The following ENG variants were observed in gnomAD, a reference collection of about 807,000 sequenced individuals.
The protein encoded by ENG is endoglin.
ENG carries 17 observed loss-of-function variants against 71.0 expected under a neutral mutation model. The observed-to-expected ratio is 0.24, with a 90% CI of 0.16 to 0.36. The LOEUF (loss-of-function observed/expected upper bound fraction) is 0.36, where lower values mean the gene tolerates loss of function less well. Ranked by LOEUF, ENG falls within the 10% of genes least tolerant of loss-of-function variation. The pLI is 1.00. For missense variants in ENG, 749 were observed against 868.3 expected, an observed-to-expected ratio of 0.86 and a Z score of 1.73; for synonymous variants, 360 against 366.9, an observed-to-expected ratio of 0.98 and a Z score of 0.21.
intron 1 of ENG, 134 bp from the exon 2 acceptor site, chr9:127,843,379 G>A (rs1018275758): frequency 7.6e-6 from 9 of 1,180,910 alleles, no homozygotes; most frequent in African/African-American, 1.5e-5. Context: ...CTTATGAGGT[G>A]GATATCATTA....
chr9:127,815,371 A>C lies in ENG; in HGVS notation c.*311T>G. 2 of 383,126 alleles carry C rather than the reference A, an allele frequency of 5.2e-6. No homozygotes were observed. The highest frequency in any genetic ancestry group is 4.8e-6 in the Non-Finnish European group (1 of 210,372). 23.7% of individuals were successfully genotyped at this position (383,126 alleles called of 1,614,324 possible). A position where few individuals can be genotyped will look rare whatever the true frequency, so the allele number is the denominator to read the frequency against. On this transcript the variant is annotated 3_prime_UTR_variant, in exon 15 of 15. Transcript: ENST00000373203. Reference sequence around the variant, plus strand: ...CCCTTCCTGCCCAGCTCAGTTCACCAGTGCTGGATCCAGGTTCAAATGACA... The same window carrying C: ...CCCTTCCTGCCCAGCTCAGTTCACCCGTGCTGGATCCAGGTTCAAATGACA...
intron 10 of ENG, 188 bp downstream of exon 10, chr9:127,819,434 T>C: frequency 1.4e-6 from 1 of 732,902 alleles, no homozygotes; most frequent in Non-Finnish European, 2.3e-6. Context: ...GCCCTCTGAC[T>C]TGAGAGACCA....
intron 8 of ENG, 95 bp from the exon 9 acceptor site, chr9:127,820,132 C>T (rs1386741861): frequency 6.7e-7 from 1 of 1,496,170 alleles, no homozygotes; most frequent in Non-Finnish European, 9.0e-7. Context: ...CCAGGGGTCC[C>T]AAGTCACAGC....
intron 2 of ENG, among the ~76,000 whole-genome samples, chr9:127,832,069 CTTTTTTTTT>C (rs1041729379): frequency 1.9e-4 from 16 of 83,640 alleles, no homozygotes; most frequent in Non-Finnish European, 2.7e-4. Context: ...AGCTACCATT[CTTTTTTTTT>C]TTTTTTTTTT....
Position 127,815,658 on chromosome 9 carries a change from C to CT in ENG, c.*23dup. The CT allele has an allele frequency of 2.6e-6, 4 of 1,547,856 alleles. No individual in the cohort carries two copies. The highest frequency in any genetic ancestry group is 3.5e-6 in the Non-Finnish European group (4 of 1,153,756). ...GCTGGCGGCTGCTCAGTCTCTCCTG[C>CT]TGGGCGAGCGCGGGGGGCCGGGGCT... On this transcript the variant is annotated 3_prime_UTR_variant, in exon 15 of 15. Coordinates refer to ENST00000373203, the MANE Select transcript of ENG (RefSeq NM_001114753.3).
chr9:127,818,449 A>G (rs1176559509), intron 11 of ENG, 72 bp from the exon 12 acceptor site: 3 of 1,590,944 alleles, frequency 1.9e-6, no homozygotes, highest in Non-Finnish European at 2.6e-6. Context: ...GCCTTCAAAT[A>G]TCGGCTAGAA....
chr9:127,831,230 G>A (rs1370689916), intron 2 of ENG, among the ~76,000 whole-genome samples: 2 of 149,414 alleles, frequency 1.3e-5, no homozygotes, highest in Non-Finnish European at 3.0e-5. Context: ...ATGTGATCTC[G>A]GCTCACTGCA....
At chr9:127,848,316 G>T (rs1396547122) in intron 1 of ENG, among the ~76,000 whole-genome samples, 1 of 151,724 alleles carries the variant, frequency 6.6e-6, no homozygotes, top group African/African-American at 2.4e-5. Flanking sequence ...GAGAGTCGGG[G>T]TCTTGCTCTG....
Position 127,839,081 on chromosome 9 carries a change from G to A in ENG, c.219+4013C>T, listed in dbSNP as rs1830969479. On this transcript the variant is annotated intron_variant, in intron 2 of 14. Coordinates refer to ENST00000373203, the MANE Select transcript of ENG (RefSeq NM_001114753.3). ...CTTTGCTGTGCACTGGCTTCTGCCT[G>A]GAATGCCCTCTACCCTGCTCTTGGG... 2.6e-5 allele frequency among the ~76,000 whole-genome samples: 4 copies of A among 152,250 alleles called. 1 individual carries two copies. In the South Asian group the frequency reaches 8.3e-4, roughly 32 times the overall value.
intron 3 of ENG, 76 bp downstream of exon 3, chr9:127,829,611 C>T (rs1357468052): frequency 5.0e-6 from 8 of 1,593,290 alleles, no homozygotes; most frequent in Middle Eastern, 2.0e-4. Context: ...GGTGGGAGAC[C>T]CTGACCCACA....
At chr9:127,839,554 TTTG>T (rs1356894144) in intron 2 of ENG, among the ~76,000 whole-genome samples, 4 of 152,040 alleles carry the variant, frequency 2.6e-5, no homozygotes, top group South Asian at 2.1e-4. Context: ...TAATCTTTTT[TTTG>T]TTGTTGTTTT....
intron 2 of ENG, among the ~76,000 whole-genome samples, chr9:127,842,700 G>C (rs919923099): frequency 2.6e-5 from 4 of 152,208 alleles, no homozygotes; most frequent in African/African-American, 9.6e-5. Flanking sequence ...TGGAATTACA[G>C]GCGTGAGCCA....
intron 10 of ENG, 23 bp from the exon 11 acceptor site, chr9:127,818,855 C>G: frequency 6.2e-7 from 1 of 1,610,078 alleles, no homozygotes; most frequent in African/African-American, 1.3e-5. Context: ...GGGAGGGAGA[C>G]TTGGTCAATC....
chr9:127,815,727 G>C lies in ENG; in HGVS notation c.1932C>G (p.Ile644Met), dbSNP rs181330955. The C allele has an allele frequency of 6.4e-7, 1 of 1,559,616 alleles. No individual in the cohort carries two copies. Among genetic ancestry groups the C allele is most frequent in the Non-Finnish European group, 8.6e-7 (1 of 1,157,740 alleles). The part of the protein sequence containing the change: ...SSESSSTNHS[I>M]GSTQSTPCST... Reference sequence around the variant, plus strand: ...AGCAGGGGGTGCTCTGGGTGCTCCCGATGCTGTGGTTGGTGCTGCTGCTCT... The same window carrying C: ...AGCAGGGGGTGCTCTGGGTGCTCCCCATGCTGTGGTTGGTGCTGCTGCTCT... Residue 644 changes from isoleucine (I) to methionine (M), a missense_variant, in exon 15 of 15, where the codon ATC becomes ATG. Transcript: ENST00000373203.
rs1060501410 is a variant in ENG, at chr9:127,824,800, C to T, written c.991G>A (p.Gly331Ser). Residue 331 changes from glycine to serine, a missense_variant and splice_region_variant, in exon 7 of 15, where the codon GGT (glycine) becomes AGT (serine). Gly to Ser is a moderately conservative substitution (Grantham distance 56). Transcript: ENST00000373203. ...SIVSLHASSC[G>S]GRLQTSPAPI... ...GGAGGGGCAGGGGAAGGGTGCTCAC[C>T]GCAGCTGGAGGCATGAAGTGAGACA... The T allele has an allele frequency of 1.3e-6, 2 of 1,556,040 alleles. No homozygotes were observed. Among genetic ancestry groups the T allele is most frequent in the Non-Finnish European group, 1.7e-6 (2 of 1,150,718 alleles).
At chr9:127,841,473 A>G (rs1831031129) in intron 2 of ENG, among the ~76,000 whole-genome samples, 1 of 152,014 alleles carries the variant, frequency 6.6e-6, no homozygotes, top group Admixed American at 6.6e-5. Context: ...TCGTATTTTG[A>G]ATATCATTAC....
rs765715581 is a variant in ENG at position 127,824,451 on chromosome 9, G to C, written c.992-5C>G. On this transcript the variant is annotated splice_polypyrimidine_tract_variant and splice_region_variant and intron_variant, in intron 7 of 14. Coordinates refer to ENST00000373203, the MANE Select transcript of ENG (RefSeq NM_001114753.3). ...GTGAGGTCTGCAGCCTACCACCTGT[G>C]GGGTAGCAGAGGCAGGCCAGGCGGC... 5 of 1,613,698 alleles carry C rather than the reference G, an allele frequency of 3.1e-6. No individual in the cohort carries two copies. The highest frequency in any genetic ancestry group is 4.2e-6 in the Non-Finnish European group (5 of 1,179,886).
At chr9:127,842,744 C>G (rs1831068720) in intron 2 of ENG, among the ~76,000 whole-genome samples, 1 of 152,158 alleles carries the variant, frequency 6.6e-6, no homozygotes, top group Admixed American at 6.5e-5. Context: ...TTTCAAAGTC[C>G]AAGCTCCCTA....
At chr9:127,831,608 G>C (rs573356567) in intron 2 of ENG, among the ~76,000 whole-genome samples, 1 of 151,094 alleles carries the variant, frequency 6.6e-6, no homozygotes, top group African/African-American at 2.4e-5. Context: ...GGCTGGTCTC[G>C]AACTCTGACC....
Sources: gnomAD v4.1 joint callset for allele counts (sites outside exome capture counted in the v4.1 genomes callset) on GRCh38, gnomAD v4.1.1 for gene constraint, MANE v1.5 for transcripts, NCBI Gene and HGNC (gene_info 2026-07-23, HGNC 2026-07-21) for gene names.